Variants in SEMA7A observed in about 807,000 individuals in gnomAD.
The protein encoded by SEMA7A is semaphorin 7A (JohnMiltonHagen blood group).
In SEMA7A, 21 loss-of-function variants were observed where a neutral mutation model predicts 67.5. The ratio of observed to expected loss-of-function variants is 0.31; its 90% confidence interval spans 0.22 to 0.45. The LOEUF (loss-of-function observed/expected upper bound fraction) is 0.45, where lower values mean the gene tolerates loss of function less well. Ranked by LOEUF, SEMA7A falls within the 20% of genes least tolerant of loss-of-function variation. The probability of loss-of-function intolerance (pLI) is 1.00; values close to 1 mark genes in which losing one functional copy is unlikely to be tolerated. For synonymous variants in SEMA7A, 364 were observed against 368.5 expected (o/e 0.99, Z 0.14); for missense variants, 774 against 908.6 (o/e 0.85, Z 1.90).
rs770296638 is a variant in SEMA7A, at chr15:74,418,870, C to G, written c.261G>C (p.Val87=). The G allele has an allele frequency of 1.5e-5, 24 of 1,613,828 alleles. No homozygotes were observed. The South Asian group carries it at 2.6e-4, about 18-fold the overall frequency. Reference sequence around the variant, plus strand: ...AGACCTTGCCACGTCCTCCCACCCACACAGAGGAGCTGCCTGGCTCGTGGA... The same window carrying G: ...AGACCTTGCCACGTCCTCCCACCCAGACAGAGGAGCTGCCTGGCTCGTGGA... ...VLFHEPGSSS[V]WVGGRGKVYL... Residue 87 remains valine, a synonymous_variant, in exon 2 of 14, where the codon GTG becomes GTC. Coordinates refer to ENST00000261918, the MANE Select transcript of SEMA7A (RefSeq NM_003612.5).
chr15:74,416,592 C>G lies in SEMA7A; in HGVS notation c.784G>C (p.Val262Leu). The G allele has an allele frequency of 6.2e-7, 1 of 1,614,070 alleles. No homozygotes were observed. The highest frequency in any genetic ancestry group is 8.5e-7 in the Non-Finnish European group (1 of 1,179,954). Residue 262 changes from valine (V) to leucine (L), a missense_variant, in exon 7 of 14, where the codon GTG becomes CTG. Physicochemically the swap from Val to Leu is conservative, Grantham distance 32 (BLOSUM62 1). Coordinates refer to ENST00000261918, the MANE Select transcript of SEMA7A (RefSeq NM_003612.5). ...NPEAPLNVSR[V>L]AQLCRGDQGG... is the part of the protein sequence containing the mutation. The stretch of plus-strand genomic sequence containing the variant: ...CTGCTCACCCTGCACAACTGGGCCA[C>G]ACGGGACACATTGAGAGGAGCCTCA...
At position 74,411,882 on chromosome 15, in the gene SEMA7A, C is replaced by T. The variant is rs747957317; in HGVS notation, c.1422+3G>A. The T allele has an allele frequency of 1.1e-5, 18 of 1,613,584 alleles. 1 individual carries two copies. The East Asian group carries it at 3.6e-4, about 32-fold the overall frequency. On this transcript the variant is annotated splice_donor_region_variant and intron_variant, in intron 11 of 13. Coordinates refer to ENST00000261918, the MANE Select transcript of SEMA7A (RefSeq NM_003612.5). This position sits in a 1 kb window ranked among gnomAD's most constrained non-coding sequence, Gnocchi z 4.4. ...CCATGGGACGCAGTGGGGGAAGGCT[C>T]ACCCGCTCAGCATCCAGCGACATGG...
At position 74,414,800 on chromosome 15, in the gene SEMA7A, GAGGGC is replaced by G; in HGVS notation, c.1095+33_1095+37del. On this transcript the variant is annotated intron_variant, in intron 9 of 13. Coordinates refer to ENST00000261918, the MANE Select transcript of SEMA7A (RefSeq NM_003612.5). The surrounding 1 kb of genome is among the most constrained non-coding windows in gnomAD (Gnocchi z 4.1). ...GGGGTGGTGGGAGGTGAGGCAGAAG[GAGGGC>G]TGGGCCTGGGCCACGGCTGGTGTCA... 6.2e-7 allele frequency: 1 copy of G among 1,613,954 alleles called. No individual in the cohort carries two copies. Among genetic ancestry groups the G allele is most frequent in the Non-Finnish European group, 8.5e-7 (1 of 1,179,842 alleles).
chr15:74,410,488 G>T lies in SEMA7A; in HGVS notation c.*136C>A. On this transcript the variant is annotated 3_prime_UTR_variant, in exon 14 of 14. Transcript: ENST00000261918. This position sits in a 1 kb window ranked among gnomAD's most constrained non-coding sequence, Gnocchi z 7.5. ...CCTGCGGCTGGACGTCTCCAGGCCT[G>T]GCATCCTCCACTGGGTTATTCTGTC... 2 of 1,324,372 alleles carry T rather than the reference G, an allele frequency of 1.5e-6. No homozygotes were observed. Among genetic ancestry groups the T allele is most frequent in the Non-Finnish European group, 2.1e-6 (2 of 974,962 alleles). The allele number at this position is 1,324,372 out of a possible 1,614,324, so 82.0% of individuals were successfully genotyped here.
rs1311020514 is a variant in SEMA7A at position 74,410,104 on chromosome 15, G to A, written c.*520C>T. ...AAGGCGGCTGTCCTGTGGGACCCAG[G>A]ACCAGAGAGGGAGCTGCAGAGGACA... On this transcript the variant is annotated 3_prime_UTR_variant, in exon 14 of 14. Coordinates refer to ENST00000261918, the MANE Select transcript of SEMA7A (RefSeq NM_003612.5). This position sits in a 1 kb window ranked among gnomAD's most constrained non-coding sequence, Gnocchi z 7.5. 6.5e-6 allele frequency: 1 copy of A among 154,888 alleles called. No individual in the cohort carries two copies. The highest frequency in any genetic ancestry group is 1.4e-5 in the Non-Finnish European group (1 of 70,076). The allele number at this position is 154,888 out of a possible 1,614,324, so 9.6% of individuals were successfully genotyped here.
At chr15:74,417,807 C>T (rs2060964911) in intron 4 of SEMA7A, 70 bp downstream of exon 4, 6 of 1,576,858 alleles carry the variant, frequency 3.8e-6, no homozygotes, top group Non-Finnish European at 4.4e-6. Context: ...ATCTCCTTCC[C>T]ACCATGAGGG....
chr15:74,433,720 C>T, intron 1 of SEMA7A, 21 bp downstream of exon 1: 2 of 1,419,886 alleles, frequency 1.4e-6, no homozygotes, highest in Non-Finnish European at 1.8e-6. Flanking sequence ...CGCGCCTGAC[C>T]GGCCGCGCGG....
At position 74,414,321 on chromosome 15, in the gene SEMA7A, G is replaced by T. The variant is rs2060926727; in HGVS notation, c.1294+226C>A. Among the ~76,000 whole-genome samples, 1 of 152,126 alleles carries T rather than the reference G, an allele frequency of 6.6e-6. No homozygotes were observed. Among genetic ancestry groups the T allele is most frequent in the African/African-American group, 2.4e-5 (1 of 41,422 alleles). Reference sequence around the variant, plus strand: ...TCCAGATTTCCGCCTCCAAATCCCAGTGCTTGCTTTTCTCCCATCCCCCTT... The same window carrying T: ...TCCAGATTTCCGCCTCCAAATCCCATTGCTTGCTTTTCTCCCATCCCCCTT... On this transcript the variant is annotated intron_variant, in intron 10 of 13. Coordinates refer to ENST00000261918, the MANE Select transcript of SEMA7A (RefSeq NM_003612.5). This position sits in a 1 kb window ranked among gnomAD's most constrained non-coding sequence, Gnocchi z 4.1.
rs548170813 is a variant in SEMA7A at position 74,422,596 on chromosome 15, C to A, written c.179-3644G>T. On this transcript the variant is annotated intron_variant, in intron 1 of 13. Coordinates refer to ENST00000261918, the MANE Select transcript of SEMA7A (RefSeq NM_003612.5). Reference sequence around the variant, plus strand: ...TCTCATGGTGGCAGGGCCAGCAAGGCCCAGCTCCGGCCAGATAGGAGGGCT... The same window carrying A: ...TCTCATGGTGGCAGGGCCAGCAAGGACCAGCTCCGGCCAGATAGGAGGGCT... Among the ~76,000 whole-genome samples the A allele has an allele frequency of 2.6e-5, 4 of 152,324 alleles. No individual in the cohort carries two copies. The East Asian group carries it at 7.7e-4, about 29-fold the overall frequency.
intron 2 of SEMA7A, 42 bp from the exon 3 acceptor site, chr15:74,418,351 G>C: frequency 6.3e-7 from 1 of 1,593,426 alleles, no homozygotes; most frequent in Non-Finnish European, 8.6e-7. Flanking sequence ...TGCCAGGGGT[G>C]AGGTACCCCT....
At chr15:74,429,761 C>T (rs1207755820) in intron 1 of SEMA7A, among the ~76,000 whole-genome samples, 1 of 152,164 alleles carries the variant, frequency 6.6e-6, no homozygotes, top group Non-Finnish European at 1.5e-5. Context: ...CAGGCCCAGG[C>T]TGACTCAACG....
At position 74,411,178 on chromosome 15, in the gene SEMA7A, G is replaced by A. The variant is rs1255898182; in HGVS notation, c.1639+117C>T. 3 of 1,342,970 alleles carry A rather than the reference G, an allele frequency of 2.2e-6. No homozygotes were observed. 83.2% of individuals were successfully genotyped at this position (1,342,970 alleles called of 1,614,324 possible). On this transcript the variant is annotated intron_variant, in intron 13 of 13. Coordinates refer to ENST00000261918, the MANE Select transcript of SEMA7A (RefSeq NM_003612.5). This position sits in a 1 kb window ranked among gnomAD's most constrained non-coding sequence, Gnocchi z 4.4. ...GGCTCCCTCTGCAGGACTGTATCCT[G>A]CCCCATGTACCTGGGGCCCACAGGA...
chr15:74,418,288 C>A lies in SEMA7A; in HGVS notation c.352G>T (p.Gly118Trp), dbSNP rs1162817321. 1.9e-6 allele frequency: 3 copies of A among 1,611,542 alleles called. No individual in the cohort carries two copies. The highest frequency in any genetic ancestry group is 2.5e-6 in the Non-Finnish European group (3 of 1,179,338). ...VRTVNIGSTK[G>W]SCLDKRDCEN... ...CTCACCCGCTTATCCAGACAGGACC[C>A]CTTTGTGGAGCCGATATTCACCTGG... Residue 118 changes from glycine (G) to tryptophan (W), a missense_variant, in exon 3 of 14, where the codon GGG (glycine) becomes TGG (tryptophan). Physicochemically the swap from Gly to Trp is radical, Grantham distance 184 (BLOSUM62 -2). Transcript: ENST00000261918.
intron 1 of SEMA7A, among the ~76,000 whole-genome samples, chr15:74,430,437 G>C (rs886703725): frequency 3.3e-5 from 5 of 152,180 alleles, no homozygotes; most frequent in African/African-American, 1.2e-4. Flanking sequence ...TGGGGAAACT[G>C]GGGTTCAGTA....
chr15:74,432,087 T>G (rs1338186865), intron 1 of SEMA7A, among the ~76,000 whole-genome samples: 1 of 90,132 alleles, frequency 1.1e-5, no homozygotes. Flanking sequence ...GGGTGTGCAT[T>G]AAGTGGGGTG....
chr15:74,416,420 G>A (rs1211728614), intron 7 of SEMA7A, among the ~76,000 whole-genome samples, 155 bp downstream of exon 7: 1 of 151,958 alleles, frequency 6.6e-6, no homozygotes, highest in East Asian at 1.9e-4. Context: ...GACACATGAT[G>A]CTCCATGCAC....
intron 1 of SEMA7A, among the ~76,000 whole-genome samples, chr15:74,420,779 G>T (rs1428400904): frequency 6.6e-6 from 1 of 152,180 alleles, no homozygotes; most frequent in African/African-American, 2.4e-5. Flanking sequence ...CCCAGCCAGA[G>T]ATCCAGACAG....
At chr15:74,416,901 T>TC (rs1567072961) in intron 6 of SEMA7A, among the ~76,000 whole-genome samples, 187 bp from the exon 7 acceptor site, 2 of 152,128 alleles carry the variant, frequency 1.3e-5, no homozygotes, top group Non-Finnish European at 2.9e-5. Context: ...ACCCCACACC[T>TC]GTTTTGCCCT....
intron 4 of SEMA7A, 25 bp from the exon 5 acceptor site, chr15:74,417,700 T>G: frequency 6.3e-7 from 1 of 1,596,748 alleles, no homozygotes; most frequent in Non-Finnish European, 8.6e-7. Context: ...GAGGGTTGGA[T>G]GGCCACATAA....
Sources: gnomAD v4.1 joint callset for allele counts (sites outside exome capture counted in the v4.1 genomes callset) on GRCh38, gnomAD v4.1.1 for gene constraint, Gnocchi (gnomAD v3.1) non-coding constraint, MANE v1.5 for transcripts, NCBI Gene and HGNC (gene_info 2026-07-23, HGNC 2026-07-21) for gene names.